The following LSAMP variants were observed in gnomAD, a reference collection of about 807,000 sequenced individuals.
LSAMP encodes limbic system-associated membrane protein.
Under a neutral mutation model 38.6 loss-of-function variants are expected in LSAMP, and 7 were observed. That is an observed-to-expected ratio of 0.18 (90% CI 0.10 to 0.34). The LOEUF is 0.34. Among genes scored for constraint, LSAMP ranks in the 10% least tolerant of loss-of-function variants. The pLI, the probability that LSAMP is intolerant of heterozygous loss-of-function variation, is 1.00. For missense variants in LSAMP, 313 were observed against 420.0 expected, an observed-to-expected ratio of 0.75 and a Z score of 2.23; for synonymous variants, 154 against 166.8, an observed-to-expected ratio of 0.92 and a Z score of 0.59.
intron 1 of LSAMP, among the ~76,000 whole-genome samples, chr3:116,375,805 C>G (rs539129093): frequency 6.6e-6 from 1 of 151,766 alleles, no homozygotes. Context: ...TTTCATCATT[C>G]GACTCTCTTT....
rs541938640 is a variant in LSAMP, at chr3:115,903,907, T to A, written c.515-51290A>T. ...TATAACTTGTTTTTAAAAAATAAAG[T>A]CTTCCCTCCAAAATTCTTTTGAAAA... On this transcript the variant is annotated intron_variant, in intron 3 of 6. Transcript: ENST00000490035. 5.7e-4 allele frequency among the ~76,000 whole-genome samples: 87 copies of A among 152,324 alleles called. 1 individual carries two copies. The highest frequency in any genetic ancestry group is 6.8e-3 in the Middle Eastern group (2 of 294).
intron 1 of LSAMP, among the ~76,000 whole-genome samples, chr3:116,392,446 C>CA (rs2048715945): frequency 5.3e-5 from 8 of 152,228 alleles, no homozygotes. Context: ...TGCACACACT[C>CA]ACGGCAACGC....
intron 1 of LSAMP, among the ~76,000 whole-genome samples, chr3:116,411,222 G>T (rs894080932): frequency 1.3e-5 from 2 of 152,046 alleles, no homozygotes; most frequent in Non-Finnish European, 2.9e-5. Flanking sequence ...GTATGGCGAT[G>T]CCTCAGGGAT....
At chr3:115,810,561 G>C in intron 6 of LSAMP, 147 bp from the exon 7 acceptor site, 3 of 671,312 alleles carry the variant, frequency 4.5e-6, no homozygotes, top group Non-Finnish European at 8.0e-6. Flanking sequence ...CCCAAGAAGC[G>C]CTCAAAACTT....
At chr3:115,848,514 C>T (rs2107516351) in intron 4 of LSAMP, among the ~76,000 whole-genome samples, 1 of 152,332 alleles carries the variant, frequency 6.6e-6, no homozygotes, top group Non-Finnish European at 1.5e-5. Context: ...TTAAAATACA[C>T]ATACATTATC....
intron 1 of LSAMP, among the ~76,000 whole-genome samples, chr3:116,200,093 TACACACAC>T (rs36216707): frequency 0.57 from 84,730 of 149,154 alleles, 24,394 homozygotes; most frequent in East Asian, 0.72. Flanking sequence ...AGTCTTACTT[TACACACAC>T]ACACACACAC....
chr3:116,397,395 C>CA lies in LSAMP; in HGVS notation c.155+47481_155+47482insT, dbSNP rs201390071. 8.8e-3 allele frequency among the ~76,000 whole-genome samples: 1,303 copies of CA among 147,388 alleles called. 22 individuals are homozygous for CA. The highest frequency in any genetic ancestry group is 0.031 in the South Asian group (138 of 4,442). ...CCTATTTAAAATACCCGCCCCCCCC[C>CA]CACACACACATACACACACATAAAC... is the stretch of plus-strand genomic sequence containing the variant. On this transcript the variant is annotated intron_variant, in intron 1 of 6. Transcript: ENST00000490035.
chr3:116,285,821 T>C (rs2047188210), intron 1 of LSAMP, among the ~76,000 whole-genome samples: 1 of 152,174 alleles, frequency 6.6e-6, no homozygotes, highest in Non-Finnish European at 1.5e-5. Flanking sequence ...AAACAGTTAG[T>C]TGTAAAACCC....
rs1390982423 is a variant in LSAMP at position 115,808,617 on chromosome 3, A to T, written c.*1700T>A. ...TTATAGATGTAAATTTAAATAGAGC[A>T]GGGAAGATGAATATCATGCAATTCT... On this transcript the variant is annotated 3_prime_UTR_variant, in exon 7 of 7. Transcript: ENST00000490035. 1 of 152,262 alleles carries T rather than the reference A, an allele frequency of 6.6e-6. No homozygotes were observed. The highest frequency in any genetic ancestry group is 6.5e-5 in the Admixed American group (1 of 15,290). The allele number at this position is 152,262 out of a possible 1,614,324, so 9.4% of individuals were successfully genotyped here. A position where few individuals can be genotyped will look rare whatever the true frequency, so the allele number is the denominator to read the frequency against.
At chr3:116,138,648 A>G (rs1379787917) in intron 1 of LSAMP, among the ~76,000 whole-genome samples, 1 of 152,018 alleles carries the variant, frequency 6.6e-6, no homozygotes, top group Non-Finnish European at 1.5e-5. Flanking sequence ...TAGATGCAGC[A>G]ATGAGTAGGG....
Position 116,218,550 on chromosome 3 carries a change from C to A in LSAMP, c.156-131994G>T, listed in dbSNP as rs78057741. ...TCCCAGTGTACAACATTGATGACTTCTTTGTGCCCAGCAATAATGTACGGA... is the reference window on the plus strand; with the variant it reads ...TCCCAGTGTACAACATTGATGACTTATTTGTGCCCAGCAATAATGTACGGA... On this transcript the variant is annotated intron_variant, in intron 1 of 6. Transcript: ENST00000490035. Among the ~76,000 whole-genome samples the A allele has an allele frequency of 1.4e-4, 21 of 152,308 alleles. No individual in the cohort carries two copies. The East Asian group carries it at 3.5e-3, about 25-fold the overall frequency.
chr3:116,356,352 C>T (rs946152907), intron 1 of LSAMP, among the ~76,000 whole-genome samples: 2 of 152,092 alleles, frequency 1.3e-5, no homozygotes, highest in African/African-American at 4.8e-5. Context: ...TGTTCTCACT[C>T]ATTTGTGGGA....
chr3:116,219,237 CATA>C (rs919561291), intron 1 of LSAMP, among the ~76,000 whole-genome samples: 6 of 152,160 alleles, frequency 3.9e-5, no homozygotes, highest in Non-Finnish European at 5.9e-5. Context: ...TTTCACTTAG[CATA>C]ATATCATCAA....
intron 1 of LSAMP, among the ~76,000 whole-genome samples, chr3:116,090,845 T>C (rs1465649657): frequency 3.3e-5 from 5 of 152,130 alleles, no homozygotes; most frequent in Non-Finnish European, 7.3e-5. Context: ...TAATAGAATA[T>C]CATAAGGCAA....
intron 1 of LSAMP, among the ~76,000 whole-genome samples, chr3:116,307,391 G>T (rs1420774553): frequency 1.3e-5 from 2 of 151,956 alleles, no homozygotes; most frequent in Non-Finnish European, 2.9e-5. Context: ...GGGTACCAGA[G>T]GCCTAGAAAT....
At chr3:115,954,604 T>G (rs1470281259) in intron 3 of LSAMP, among the ~76,000 whole-genome samples, 2 of 152,216 alleles carry the variant, frequency 1.3e-5, no homozygotes. Flanking sequence ...AAAGCCAAGC[T>G]CTTTCAATGT....
At chr3:116,303,580 T>G (rs1057213215) in intron 1 of LSAMP, among the ~76,000 whole-genome samples, 4 of 152,192 alleles carry the variant, frequency 2.6e-5, no homozygotes, top group Non-Finnish European at 5.9e-5. Context: ...ACTGAGTTAT[T>G]CCACACTGGT....
intron 1 of LSAMP, among the ~76,000 whole-genome samples, chr3:116,135,277 T>C (rs7646859): frequency 0.071 from 10,751 of 152,190 alleles, 514 homozygotes; most frequent in Middle Eastern, 0.16. Context: ...TAGAAGCAAA[T>C]ATCTGTCAAA....
intron 1 of LSAMP, among the ~76,000 whole-genome samples, chr3:116,347,061 A>G (rs2048072521): frequency 6.6e-6 from 1 of 152,216 alleles, no homozygotes; most frequent in Non-Finnish European, 1.5e-5. Context: ...CCAACTATAT[A>G]CAAATGTAGG....
Sources: allele counts gnomAD v4.1 joint callset (sites outside exome capture counted in the v4.1 genomes callset), GRCh38; gene constraint gnomAD v4.1.1; transcripts MANE v1.5; gene names NCBI Gene and HGNC (gene_info 2026-07-23, HGNC 2026-07-21).